The following RBMS3 variants were observed in gnomAD, a reference collection of about 807,000 sequenced individuals.
RBMS3 encodes RNA binding motif single stranded interacting protein 3.
Under a neutral mutation model 66.8 loss-of-function variants are expected in RBMS3, and 27 were observed. The ratio of observed to expected loss-of-function variants is 0.40; its 90% CI spans 0.30 to 0.56. The LOEUF (loss-of-function observed/expected upper bound fraction) is 0.56. RBMS3 is among the 20% of genes least tolerant of loss of function. The pLI, the probability that RBMS3 is intolerant of heterozygous loss-of-function variation, is 0.40. For missense variants in RBMS3, 513 were observed against 549.5 expected, an observed-to-expected ratio of 0.93 and a Z score of 0.66; for synonymous variants, 188 against 183.0, an observed-to-expected ratio of 1.03 and a Z score of -0.22.
chr3:29,819,197 T>C (rs144282690), intron 6 of RBMS3, among the ~76,000 whole-genome samples: 2 of 152,098 alleles, frequency 1.3e-5, no homozygotes, highest in East Asian at 3.9e-4. Context: ...TTGCAGGTTG[T>C]TATTTCATTC....
chr3:29,601,169 GTATAAATA>G (rs2048129981), intron 4 of RBMS3, among the ~76,000 whole-genome samples: 1 of 151,446 alleles, frequency 6.6e-6, no homozygotes, highest in African/African-American at 2.4e-5. Context: ...TAATAAAGAT[GTATAAATA>G]TATAAGTACA....
intron 6 of RBMS3, among the ~76,000 whole-genome samples, chr3:29,767,738 C>T (rs2055997667): frequency 6.6e-6 from 1 of 150,568 alleles, no homozygotes; most frequent in Non-Finnish European, 1.5e-5. Flanking sequence ...CTTAACATTC[C>T]TGCCAGAGTA....
At chr3:29,727,585 G>T (rs1197874234) in intron 4 of RBMS3, among the ~76,000 whole-genome samples, 1 of 152,160 alleles carries the variant, frequency 6.6e-6, no homozygotes, top group East Asian at 1.9e-4. Flanking sequence ...AGACATTTAT[G>T]CAGCCAACAA....
intron 4 of RBMS3, among the ~76,000 whole-genome samples, chr3:29,725,546 T>G (rs923821109): frequency 2.6e-5 from 4 of 152,040 alleles, no homozygotes; most frequent in African/African-American, 9.7e-5. Context: ...ATATCACCAC[T>G]GATCCCACAG....
intron 4 of RBMS3, among the ~76,000 whole-genome samples, chr3:29,729,716 A>C (rs956282258): frequency 1.3e-5 from 2 of 152,098 alleles, no homozygotes; most frequent in African/African-American, 4.8e-5. Context: ...TGTGGTTTTG[A>C]TTTGTATTTC....
At chr3:29,688,817 G>A (rs1038244651) in intron 4 of RBMS3, among the ~76,000 whole-genome samples, 35 of 151,804 alleles carry the variant, frequency 2.3e-4, no homozygotes, top group Admixed American at 2.1e-3. Context: ...TCCTGACCTC[G>A]TGATCCACTC....
intron 4 of RBMS3, chr3:29,731,070 C>T (rs1271313317): frequency 1.0e-6 from 1 of 960,230 alleles, no homozygotes; most frequent in Admixed American, 6.2e-5. Context: ...CTGCCTAACT[C>T]AATTGAAGGC....
chr3:29,506,120 T>C (rs977928736), intron 3 of RBMS3, among the ~76,000 whole-genome samples: 4 of 151,908 alleles, frequency 2.6e-5, no homozygotes, highest in Admixed American at 2.6e-4. Flanking sequence ...ATATGTTCAA[T>C]AGAAGTGGTA....
intron 1 of RBMS3, among the ~76,000 whole-genome samples, chr3:29,322,656 G>A (rs1194885885): frequency 6.6e-6 from 1 of 151,898 alleles, no homozygotes; most frequent in Admixed American, 6.6e-5. Flanking sequence ...CCAGACACTG[G>A]TCTTTCTATT....
intron 6 of RBMS3, among the ~76,000 whole-genome samples, chr3:29,841,335 A>G (rs2058658974): frequency 6.6e-6 from 1 of 152,048 alleles, no homozygotes. Flanking sequence ...GAATGTTAGT[A>G]ATGTACACAT....
chr3:29,624,612 T>C (rs2048990523), intron 4 of RBMS3, among the ~76,000 whole-genome samples: 1 of 152,162 alleles, frequency 6.6e-6, no homozygotes, highest in African/African-American at 2.4e-5. Flanking sequence ...AAAAGAGCAA[T>C]ATAAGAAATT....
chr3:29,314,807 G>A (rs1201342877), intron 1 of RBMS3, among the ~76,000 whole-genome samples: 3 of 151,734 alleles, frequency 2.0e-5, no homozygotes, highest in Non-Finnish European at 2.9e-5. Flanking sequence ...CATGAGTGAT[G>A]TCTTGTATCA....
At chr3:29,420,435 G>A (rs1467510296) in intron 1 of RBMS3, among the ~76,000 whole-genome samples, 1 of 152,176 alleles carries the variant, frequency 6.6e-6, no homozygotes, top group East Asian at 1.9e-4. Flanking sequence ...ACATCCTGAT[G>A]GGATTTGGTG....
At chr3:29,360,248 C>T (rs532431487) in intron 1 of RBMS3, among the ~76,000 whole-genome samples, 1 of 152,002 alleles carries the variant, frequency 6.6e-6, no homozygotes, top group African/African-American at 2.4e-5. Context: ...TACATTGTGT[C>T]TTTGTTCTCG....
chr3:29,843,230 GA>G (rs2058703758), intron 6 of RBMS3, among the ~76,000 whole-genome samples: 1 of 152,090 alleles, frequency 6.6e-6, no homozygotes, highest in Non-Finnish European at 1.5e-5. Context: ...TTTTTGTCAC[GA>G]GAACGTAAAT....
At chr3:29,662,884 C>A (rs533040757) in intron 4 of RBMS3, among the ~76,000 whole-genome samples, 56 of 152,248 alleles carry the variant, frequency 3.7e-4, no homozygotes, top group African/African-American at 1.3e-3. Flanking sequence ...ACATCCGTTT[C>A]TTCTAAGAGT....
chr3:29,961,243 T>C (rs554003381), intron 12 of RBMS3, among the ~76,000 whole-genome samples: 1 of 152,316 alleles, frequency 6.6e-6, no homozygotes, highest in East Asian at 1.9e-4. Context: ...GAGTCACCTT[T>C]GTTCTAGTTC....
chr3:29,675,986 G>C (rs1291110806), intron 4 of RBMS3, among the ~76,000 whole-genome samples: 1 of 152,064 alleles, frequency 6.6e-6, no homozygotes, highest in South Asian at 2.1e-4. Context: ...ATATGTTTAT[G>C]GTGGCACTAT....
At chr3:29,820,842 A>G (rs6803325) in intron 6 of RBMS3, among the ~76,000 whole-genome samples, 76,613 of 151,978 alleles carry the variant, frequency 0.5, 19,719 homozygotes, top group Non-Finnish European at 0.55. Context: ...TCCAGAGACC[A>G]GAGACTGAGG....
Sources: gnomAD v4.1 joint callset for allele counts (sites outside exome capture counted in the v4.1 genomes callset) on GRCh38, gnomAD v4.1.1 for gene constraint, MANE v1.5 for transcripts, NCBI Gene and HGNC (gene_info 2026-07-23, HGNC 2026-07-21) for gene names.